Variants in PLPP3 observed in about 807,000 individuals in gnomAD.
PLPP3 encodes the protein PAP2 beta.
Under a neutral mutation model 29.6 loss-of-function variants are expected in PLPP3, and 6 were observed. The ratio of observed to expected loss-of-function variants is 0.20; its 90% confidence interval spans 0.11 to 0.40. The LOEUF (loss-of-function observed/expected upper bound fraction) is 0.40, where lower values mean the gene tolerates loss of function less well. Among genes scored for constraint, PLPP3 ranks in the 10% least tolerant of loss-of-function variants. The pLI is 1.00. For synonymous variants in PLPP3, 152 were observed against 159.7 expected, an observed-to-expected ratio of 0.95 and a Z score of 0.36; for missense variants, 308 against 407.7, an observed-to-expected ratio of 0.76 and a Z score of 2.11.
chr1:56,532,954 C>T (rs147327180), intron 2 of PLPP3, among the ~76,000 whole-genome samples: 2,377 of 152,160 alleles, frequency 0.016, 64 homozygotes, highest in African/African-American at 0.054. Flanking sequence ...GAGACAGCTA[C>T]GGAATGCTTC....
chr1:56,542,216 TG>T (rs1370594478), intron 1 of PLPP3, among the ~76,000 whole-genome samples: 1 of 152,108 alleles, frequency 6.6e-6, no homozygotes, highest in Non-Finnish European at 1.5e-5. Context: ...AAACTAACAC[TG>T]GGGCAGGTTG....
intron 1 of PLPP3, among the ~76,000 whole-genome samples, chr1:56,558,081 T>C: frequency 6.6e-6 from 1 of 152,208 alleles, no homozygotes; most frequent in Non-Finnish European, 1.5e-5. Context: ...GGCATGTCTA[T>C]AGCTAAGAAA....
At chr1:56,543,969 G>A (rs1645988159) in intron 1 of PLPP3, among the ~76,000 whole-genome samples, 1 of 152,144 alleles carries the variant, frequency 6.6e-6, no homozygotes, top group African/African-American at 2.4e-5. Context: ...AACAAGTATG[G>A]CTCTTTCCTA....
intron 2 of PLPP3, among the ~76,000 whole-genome samples, chr1:56,527,086 GCTCCAGTTA>G (rs554193491): frequency 1.4e-3 from 219 of 152,300 alleles, no homozygotes; most frequent in African/African-American, 5.1e-3. Context: ...TCACCTTTCT[GCTCCAGTTA>G]CTTTAGGGAG....
chr1:56,555,490 C>CAAAAAAAAAAAAAAA (rs1646070930), intron 1 of PLPP3, among the ~76,000 whole-genome samples: 1 of 133,764 alleles, frequency 7.5e-6, no homozygotes, highest in African/African-American at 2.8e-5. Context: ...CAAAAACACC[C>CAAAAAAAAAAAAAAA]AAAAACTCAA....
intron 5 of PLPP3, among the ~76,000 whole-genome samples, chr1:56,505,619 A>G (rs1211409713): frequency 6.6e-6 from 1 of 152,212 alleles, no homozygotes; most frequent in Non-Finnish European, 1.5e-5. Flanking sequence ...CACCTAATGT[A>G]TAGTAAATAT....
At chr1:56,503,180 G>A (rs892341916) in intron 5 of PLPP3, among the ~76,000 whole-genome samples, 2 of 152,060 alleles carry the variant, frequency 1.3e-5, no homozygotes, top group Admixed American at 6.6e-5. Context: ...GAATTTGTGA[G>A]CATTTCTGTT....
chr1:56,560,646 T>C (rs753949280), intron 1 of PLPP3, among the ~76,000 whole-genome samples: 1 of 152,088 alleles, frequency 6.6e-6, no homozygotes, highest in African/African-American at 2.4e-5. Context: ...ATGACCTAAT[T>C]ACCTCTTAAA....
intron 1 of PLPP3, among the ~76,000 whole-genome samples, chr1:56,561,702 G>C (rs1485179233): frequency 6.6e-6 from 1 of 152,010 alleles, no homozygotes; most frequent in African/African-American, 2.4e-5. Flanking sequence ...TTTCAGAGAG[G>C]AGGCAGGCAG....
At chr1:56,536,318 TTTTTCAG>T (rs1186434407) in intron 2 of PLPP3, among the ~76,000 whole-genome samples, 1 of 152,180 alleles carries the variant, frequency 6.6e-6, no homozygotes, top group Non-Finnish European at 1.5e-5. Flanking sequence ...AGACCTTTCA[TTTTTCAG>T]TTTTCAAACA....
In PLPP3 at chr1:56,524,314, T is replaced by C. The variant is rs778546686; in HGVS notation, c.538A>G (p.Arg180Gly). Residue 180 changes from arginine (R) to glycine (G), a missense_variant, in exon 3 of 6, where the codon AGA becomes GGA. Arg to Gly is a moderately radical substitution (Grantham distance 125). This residue lies in a region of PLPP3 where 232 missense variants were observed against 317.2 expected (regional missense o/e 0.73). Transcript: ENST00000371250. The surrounding 1 kb of genome is among the most constrained non-coding windows in gnomAD (Gnocchi z 4.3). Reference protein sequence around the residue: ...NCSEGYIQNYRCRGDDSKVQE... With the variant: ...NCSEGYIQNYGCRGDDSKVQE... ...ACTTTGCTGTCATCACCTCTGCATC[T>C]GTAGTTCTGAATGTAGCCTTCAGAG... 1 of 1,614,000 alleles carries C rather than the reference T, an allele frequency of 6.2e-7. No individual in the cohort carries two copies. The highest frequency in any genetic ancestry group is 1.7e-5 in the Admixed American group (1 of 60,014).
intron 5 of PLPP3, among the ~76,000 whole-genome samples, chr1:56,500,975 G>A (rs1405079903): frequency 7.7e-6 from 1 of 129,730 alleles, no homozygotes; most frequent in Non-Finnish European, 1.5e-5. Context: ...TTGCACTCCA[G>A]CCTGGGCGAG....
intron 5 of PLPP3, among the ~76,000 whole-genome samples, chr1:56,503,962 T>C (rs1645685306): frequency 6.6e-6 from 1 of 152,094 alleles, no homozygotes; most frequent in Admixed American, 6.6e-5. Context: ...ATTTTTTTAG[T>C]AGAGACGGGA....
At chr1:56,503,375 T>C (rs1268286863) in intron 5 of PLPP3, among the ~76,000 whole-genome samples, 2 of 152,118 alleles carry the variant, frequency 1.3e-5, no homozygotes, top group African/African-American at 4.8e-5. Flanking sequence ...CTGCCCTGTA[T>C]TTGTGTGGAA....
At chr1:56,563,731 T>C (rs1646144971) in intron 1 of PLPP3, among the ~76,000 whole-genome samples, 1 of 152,212 alleles carries the variant, frequency 6.6e-6, no homozygotes, top group Non-Finnish European at 1.5e-5. Flanking sequence ...GCTATAGACA[T>C]TGCTGACCAA....
intron 4 of PLPP3, chr1:56,516,801 T>C (rs1645784226): frequency 6.6e-6 from 1 of 151,298 alleles, no homozygotes; most frequent in African/African-American, 2.4e-5. Flanking sequence ...AAAAAATTGC[T>C]GATTGTGGAT....
chr1:56,503,663 G>C (rs1645683227), intron 5 of PLPP3, among the ~76,000 whole-genome samples: 2 of 152,116 alleles, frequency 1.3e-5, no homozygotes, highest in Non-Finnish European at 2.9e-5. Flanking sequence ...CCTGCAACAA[G>C]AGTGAAACTC....
At chr1:56,552,451 G>A (rs1016992299) in intron 1 of PLPP3, among the ~76,000 whole-genome samples, 2 of 152,040 alleles carry the variant, frequency 1.3e-5, no homozygotes, top group African/African-American at 4.8e-5. Context: ...AATTTACATA[G>A]CATGCAATTT....
At chr1:56,560,962 C>G (rs541410484) in intron 1 of PLPP3, among the ~76,000 whole-genome samples, 38 of 151,114 alleles carry the variant, frequency 2.5e-4, no homozygotes, top group African/African-American at 8.8e-4. Context: ...CTCAGCCTCC[C>G]GAGTAGCTGG....
Sources: gnomAD v4.1 joint callset for allele counts (sites outside exome capture counted in the v4.1 genomes callset) on GRCh38, gnomAD v4.1.1 for gene constraint, gnomAD v4.1.1 regional missense constraint, Gnocchi (gnomAD v3.1) non-coding constraint, MANE v1.5 for transcripts, NCBI Gene and HGNC (gene_info 2026-07-23, HGNC 2026-07-21) for gene names.